The following MAGI3 variants were observed in gnomAD, a reference collection of about 807,000 sequenced individuals.
MAGI3 encodes membrane associated guanylate kinase, WW and PDZ domain containing 3.
MAGI3 carries 43 observed loss-of-function variants against 121.8 expected under a neutral mutation model. The ratio of observed to expected loss-of-function variants is 0.35; its 90% CI spans 0.28 to 0.46. The LOEUF (loss-of-function observed/expected upper bound fraction) is 0.46, where lower values mean the gene tolerates loss of function less well. Ranked by LOEUF, MAGI3 falls within the 20% of genes least tolerant of loss-of-function variation. The pLI is 1.00. For missense variants in MAGI3, 1,547 were observed against 1,797.3 expected, an observed-to-expected ratio of 0.86 and a Z score of 2.52; for synonymous variants, 553 against 639.3, an observed-to-expected ratio of 0.86 and a Z score of 2.04.
chr1:113,504,535 A>G (rs1657213299), intron 1 of MAGI3, among the ~76,000 whole-genome samples: 1 of 152,108 alleles, frequency 6.6e-6, no homozygotes. Flanking sequence ...TAAGGTTGTC[A>G]AAGATTAAAA....
At position 113,651,054 on chromosome 1, in the gene MAGI3, A is replaced by G; in HGVS notation, c.2288A>G (p.Lys763Arg). 1.9e-6 allele frequency: 3 copies of G among 1,614,176 alleles called. No individual in the cohort carries two copies. Among genetic ancestry groups the G allele is most frequent in the Non-Finnish European group, 2.5e-6 (3 of 1,180,024 alleles). ...GAIIPLGAAE[K>R]DGRLRAADEL... is the part of the protein sequence containing the mutation. ...ATTATTCCCCTGGGAGCAGCTGAGA[A>G]AGATGGTCGGCTCCGCGCAGCTGAT... is the stretch of plus-strand genomic sequence containing the variant. The change falls in exon 14 of 21, where the codon AAA becomes AGA. Residue 763 changes from lysine (K) to arginine (R), a missense_variant. Lys to Arg is a conservative substitution (Grantham distance 26, BLOSUM62 2). Transcript: ENST00000307546.
intron 16 of MAGI3, among the ~76,000 whole-genome samples, chr1:113,662,482 T>G (rs759826447): frequency 3.9e-5 from 6 of 152,246 alleles, no homozygotes; most frequent in Non-Finnish European, 7.3e-5. Context: ...TCAAATTTTT[T>G]GTCAGGCCTT....
rs550651386 is a variant in MAGI3 at position 113,417,778 on chromosome 1, G to A, written c.316+26429G>A. Among the ~76,000 whole-genome samples the A allele has an allele frequency of 2.6e-5, 4 of 152,150 alleles. No individual in the cohort carries two copies. In the East Asian group the frequency reaches 7.7e-4, roughly 29 times the overall value. On this transcript the variant is annotated intron_variant, in intron 1 of 20. Transcript: ENST00000307546. ...CCCGTTAGTCTGTAAGTCTCACTGA[G>A]GTGCTTCATTGTCTTGATCATTATT...
At chr1:113,612,328 ATTATGT>A (rs1221929858) in intron 6 of MAGI3, among the ~76,000 whole-genome samples, 1 of 152,126 alleles carries the variant, frequency 6.6e-6, no homozygotes, top group East Asian at 1.9e-4. Context: ...CCCAAAAAAG[ATTATGT>A]TTATCTTTAT....
intron 1 of MAGI3, among the ~76,000 whole-genome samples, chr1:113,392,492 G>A (rs1650878781): frequency 2.0e-5 from 3 of 152,178 alleles, no homozygotes; most frequent in African/African-American, 7.2e-5. Context: ...GCTCGCTTTG[G>A]AAATATTAAT....
intron 2 of MAGI3, among the ~76,000 whole-genome samples, chr1:113,562,905 G>A (rs545148666): frequency 1.3e-5 from 2 of 152,266 alleles, no homozygotes; most frequent in South Asian, 4.2e-4. Flanking sequence ...ATTTAAGAAA[G>A]AAATAATACC....
At chr1:113,598,466 C>T (rs1649159763) in intron 6 of MAGI3, among the ~76,000 whole-genome samples, 1 of 151,788 alleles carries the variant, frequency 6.6e-6, no homozygotes, top group African/African-American at 2.4e-5. Context: ...CCTATAGACT[C>T]AACGTAAAAG....
At chr1:113,558,376 A>G (rs1660084900) in intron 2 of MAGI3, among the ~76,000 whole-genome samples, 1 of 152,220 alleles carries the variant, frequency 6.6e-6, no homozygotes, top group Non-Finnish European at 1.5e-5. Context: ...ACCCCCTGTT[A>G]TAGCTGAAAA....
chr1:113,419,071 A>T (rs536549839), intron 1 of MAGI3, among the ~76,000 whole-genome samples: 6 of 152,064 alleles, frequency 3.9e-5, no homozygotes, highest in Non-Finnish European at 5.9e-5. Flanking sequence ...TGTTTAATTG[A>T]TTTTTGATTT....
intron 1 of MAGI3, among the ~76,000 whole-genome samples, chr1:113,494,727 TA>T (rs1656834992): frequency 6.6e-6 from 1 of 152,232 alleles, no homozygotes; most frequent in Admixed American, 6.5e-5. Context: ...AATGTGTCTG[TA>T]AACAACTCTG....
At chr1:113,608,728 C>A (rs183539647) in intron 6 of MAGI3, among the ~76,000 whole-genome samples, 1 of 152,274 alleles carries the variant, frequency 6.6e-6, no homozygotes, top group Admixed American at 6.5e-5. Context: ...AGTGAAGGGG[C>A]TCCGAGAAAC....
chr1:113,536,606 T>C (rs983594310), intron 1 of MAGI3, among the ~76,000 whole-genome samples: 4 of 152,004 alleles, frequency 2.6e-5, no homozygotes, highest in Non-Finnish European at 5.9e-5. Context: ...TTACTAAATC[T>C]TCTTACTTTG....
At chr1:113,611,530 T>G (rs1650137158) in intron 6 of MAGI3, among the ~76,000 whole-genome samples, 1 of 152,172 alleles carries the variant, frequency 6.6e-6, no homozygotes, top group Non-Finnish European at 1.5e-5. Flanking sequence ...TACTTTACCT[T>G]CTTTGTTTTA....
intron 15 of MAGI3, among the ~76,000 whole-genome samples, chr1:113,654,546 T>A (rs1031064727): frequency 6.6e-6 from 1 of 152,142 alleles, no homozygotes; most frequent in African/African-American, 2.4e-5. Flanking sequence ...AAATGTTTCA[T>A]TGAAAGGTAA....
At chr1:113,550,687 C>G (rs890358976) in intron 2 of MAGI3, among the ~76,000 whole-genome samples, 3 of 147,800 alleles carry the variant, frequency 2.0e-5, no homozygotes, top group Non-Finnish European at 4.5e-5. Context: ...ACCTAGGAGG[C>G]GGAGATTGCA....
At chr1:113,672,170 G>T (rs549820195) in intron 17 of MAGI3, among the ~76,000 whole-genome samples, 96 of 152,326 alleles carry the variant, frequency 6.3e-4, no homozygotes, top group Non-Finnish European at 1.1e-3. Flanking sequence ...GACCCATATG[G>T]ATTGCTGTCT....
At chr1:113,615,524 G>A (rs1031916284) in intron 7 of MAGI3, among the ~76,000 whole-genome samples, 20 of 152,078 alleles carry the variant, frequency 1.3e-4, no homozygotes, top group African/African-American at 4.8e-4. Context: ...AACACTTATA[G>A]GCATAAACCA....
intron 1 of MAGI3, among the ~76,000 whole-genome samples, chr1:113,429,391 A>G (rs952207092): frequency 2.6e-5 from 4 of 152,216 alleles, no homozygotes; most frequent in Admixed American, 2.0e-4. Flanking sequence ...ATTGAAATGA[A>G]AGTACACTCC....
intron 1 of MAGI3, among the ~76,000 whole-genome samples, chr1:113,492,731 A>C (rs936804365): frequency 6.6e-6 from 1 of 152,146 alleles, no homozygotes; most frequent in Admixed American, 6.5e-5. Flanking sequence ...GTAAATATCA[A>C]TCTTTCTTAT....
Sources: allele counts gnomAD v4.1 joint callset (sites outside exome capture counted in the v4.1 genomes callset), GRCh38; gene constraint gnomAD v4.1.1; transcripts MANE v1.5; gene names NCBI Gene and HGNC (gene_info 2026-07-23, HGNC 2026-07-21).